TSC2: variants seen among roughly 807,000 people sequenced by gnomAD.
TSC2 encodes tuberin.
TSC2 carries 29 observed loss-of-function variants against 202.2 expected under a neutral mutation model. The observed-to-expected ratio is 0.14, with a 90% CI of 0.11 to 0.20. TSC2 has a LOEUF of 0.20. Among genes scored for constraint, TSC2 ranks in the 10% least tolerant of loss-of-function variants. TSC2 has a pLI of 1.00. For synonymous variants in TSC2, 1,349 were observed against 1,044.0 expected, an observed-to-expected ratio of 1.29 and a Z score of -5.63; for missense variants, 2,429 against 2,420.0, an observed-to-expected ratio of 1.00 and a Z score of -0.08.
chr16:2,051,911 A>G (rs1249949281), intron 3 of TSC2, among the ~76,000 whole-genome samples: 1 of 152,186 alleles, frequency 6.6e-6, no homozygotes, highest in Admixed American at 6.5e-5. Context: ...CTAAAGATAC[A>G]AAAATTAGCT....
chr16:2,059,293 C>T (rs1353180869), intron 10 of TSC2, among the ~76,000 whole-genome samples: 2 of 150,934 alleles, frequency 1.3e-5, no homozygotes, highest in African/African-American at 4.9e-5. Flanking sequence ...GCTAGGATTA[C>T]AGGCGTGAGC....
At chr16:2,061,316 C>T (rs1464872973) in intron 11 of TSC2, 7 of 288,392 alleles carry the variant, frequency 2.4e-5, no homozygotes, top group African/African-American at 1.3e-4. Context: ...GGGTGATGTA[C>T]AGGAGGCCAG....
chr16:2,064,617 T>C (rs2087066312), intron 15 of TSC2, 190 bp downstream of exon 15: 7 of 851,784 alleles, frequency 8.2e-6, no homozygotes, highest in African/African-American at 1.7e-5. Context: ...GTGTCCTGAC[T>C]GAAAGTCCTG....
rs748778477 is a variant in TSC2 at position 2,079,561 on chromosome 16, A to G, written c.3289A>G (p.Ser1097Gly). The G allele has an allele frequency of 6.2e-7, 1 of 1,610,060 alleles. No individual in the cohort carries two copies. Among genetic ancestry groups the G allele is most frequent in the South Asian group, 1.1e-5 (1 of 90,562 alleles). Residue 1097 changes from serine to glycine, a missense_variant, in exon 29 of 42, where the codon AGC becomes GGC. Coordinates refer to ENST00000219476, the MANE Select transcript of TSC2 (RefSeq NM_000548.5). This position sits in a 1 kb window ranked among gnomAD's most constrained non-coding sequence, Gnocchi z 4.6. ...TGCGTGGGATTCTCTTCTCAGCTCC[A>G]GCCCCGGGGTGCATGTGAGACAGAC... ...ELQSGPESSS[S>G]PGVHVRQTKE...
Position 2,088,847 on chromosome 16 carries a change from CT to C in TSC2, c.*238del, listed in dbSNP as rs567025319. 156 of 584,682 alleles carry C rather than the reference CT, an allele frequency of 2.7e-4. 2 individuals are homozygous for C. In the South Asian group the frequency reaches 2.9e-3, roughly 11 times the overall value. 36.2% of individuals were successfully genotyped at this position (584,682 alleles called of 1,614,324 possible). On this transcript the variant is annotated 3_prime_UTR_variant, in exon 42 of 42. Transcript: ENST00000219476. Reference sequence around the variant, plus strand: ...CCAGCTCCGAGGGCCTTGAGGCTGCCTGGGCCATACAGCACACTCGCGCGTG... The same window carrying C: ...CCAGCTCCGAGGGCCTTGAGGCTGCCGGGCCATACAGCACACTCGCGCGTG...
chr16:2,083,869 G>T lies in TSC2; in HGVS notation c.4005+53G>T, dbSNP rs534203991. ...GCTGACCTCGGGGGGCTCCTTAGGG[G>T]AGGCAGGGCTCTGCGTGGGTGTGCC... On this transcript the variant is annotated intron_variant, in intron 33 of 41. Transcript: ENST00000219476. 7 of 1,580,068 alleles carry T rather than the reference G, an allele frequency of 4.4e-6. No homozygotes were observed. In the South Asian group the frequency reaches 6.9e-5, roughly 16 times the overall value.
At chr16:2,071,420 G>C (rs139857848) in intron 17 of TSC2, 90 bp from the exon 18 acceptor site, 1 of 1,354,898 alleles carries the variant, frequency 7.4e-7, no homozygotes, top group African/African-American at 1.4e-5. Context: ...AGTGCCTGTG[G>C]TGCTGGACGT....
intron 6 of TSC2, chr16:2,055,766 C>CTGTAT: frequency 2.1e-6 from 1 of 484,222 alleles, no homozygotes; most frequent in South Asian, 2.0e-5. Context: ...TGGTGGGAGC[C>CTGTAT]TGTAATCCCA....
intron 32 of TSC2, chr16:2,083,084 G>C: frequency 2.2e-6 from 1 of 455,052 alleles, no homozygotes; most frequent in South Asian, 1.6e-5. Context: ...TGGGGTGGCT[G>C]ACTGCGCGTG....
intron 15 of TSC2, chr16:2,064,638 T>G: frequency 1.4e-6 from 1 of 736,976 alleles, no homozygotes; most frequent in Non-Finnish European, 2.2e-6. Flanking sequence ...GACATGGGTG[T>G]CCTGTCACAC....
Position 2,054,653 on chromosome 16 carries a change from C to T in TSC2, c.481+213C>T. The T allele has an allele frequency of 6.0e-6, 4 of 662,686 alleles. No homozygotes were observed. In the Admixed American group the frequency reaches 7.4e-5, roughly 12 times the overall value. 41.1% of individuals were successfully genotyped at this position (662,686 alleles called of 1,614,324 possible). On this transcript the variant is annotated intron_variant, in intron 5 of 41. Coordinates refer to ENST00000219476, the MANE Select transcript of TSC2 (RefSeq NM_000548.5). ...GCAGAGTCCTGGCCTTCACCCCAGACCTGCTGACTGTGAGTCTCTGGGGCT... is the reference window on the plus strand; with the variant it reads ...GCAGAGTCCTGGCCTTCACCCCAGATCTGCTGACTGTGAGTCTCTGGGGCT...
At chr16:2,048,266 T>A in intron 1 of TSC2, 1 of 1,247,630 alleles carries the variant, frequency 8.0e-7, no homozygotes, top group Non-Finnish European at 1.1e-6. Context: ...AGCTCCTGCT[T>A]CACATGGGTA....
In TSC2 at chr16:2,075,851, C is replaced by T. The variant is rs1395372159; in HGVS notation, c.2598C>T (p.Ala866=). 6.2e-7 allele frequency: 1 copy of T among 1,613,010 alleles called. No individual in the cohort carries two copies. Among genetic ancestry groups the T allele is most frequent in the African/African-American group, 1.3e-5 (1 of 74,934 alleles). The change falls in exon 23 of 42, where the codon GCC becomes GCT. Residue 866 remains alanine (A), a synonymous_variant. Transcript: ENST00000219476. ...GGAACTTTGCCGCGGAGCAGTATGC[C>T]AGTGTGTTCGCCATCTCCCTGCCGT... ...LYRNFAAEQY[A]SVFAISLPYT...
chr16:2,075,454 G>T (rs1452724381), intron 22 of TSC2, among the ~76,000 whole-genome samples: 3 of 150,654 alleles, frequency 2.0e-5, no homozygotes, highest in East Asian at 1.9e-4. Flanking sequence ...GTGAACCCAG[G>T]GGGTGGAGCT....
intron 15 of TSC2, 198 bp downstream of exon 15, chr16:2,064,625 C>T: frequency 1.2e-6 from 1 of 812,444 alleles, no homozygotes; most frequent in Non-Finnish European, 1.9e-6. Context: ...ACTGAAAGTC[C>T]TGGACATGGG....
chr16:2,061,426 G>A (rs2086626340), intron 11 of TSC2: 1 of 318,076 alleles, frequency 3.1e-6, no homozygotes, highest in Non-Finnish European at 6.2e-6. Flanking sequence ...ACCGCTGGTG[G>A]CAGTGGCAGA....
At chr16:2,071,669 G>A (rs1347508979) in intron 18 of TSC2, 53 bp downstream of exon 18, 2 of 1,608,404 alleles carry the variant, frequency 1.2e-6, no homozygotes, top group Non-Finnish European at 1.7e-6. Flanking sequence ...AGAGGCGCTG[G>A]GGCTGTGGTG....
At chr16:2,070,909 G>A (rs1208813461) in intron 17 of TSC2, among the ~76,000 whole-genome samples, 2 of 152,222 alleles carry the variant, frequency 1.3e-5, no homozygotes, top group African/African-American at 4.8e-5. Flanking sequence ...AGAGGGCTGG[G>A]CAGGTGGGCG....
At position 2,084,372 on chromosome 16, in the gene TSC2, A is replaced by C; in HGVS notation, c.4150A>C (p.Lys1384Gln). The C allele has an allele frequency of 6.2e-7, 1 of 1,612,558 alleles. No individual in the cohort carries two copies. Among genetic ancestry groups the C allele is most frequent in the Non-Finnish European group, 8.5e-7 (1 of 1,179,940 alleles). ...LSFQPSQPLS[K>Q]SSSSPELQTL... ...CTTCCAGCCCTCGCAGCCCCTGAGC[A>C]AGTCCAGCTCCTCTCCCGAGCTGCA... is the stretch of plus-strand genomic sequence containing the variant. The change falls in exon 34 of 42, where the codon AAG (lysine) becomes CAG (glutamine). Residue 1384 changes from lysine to glutamine, a missense_variant. Lys to Gln is a moderately conservative substitution (Grantham distance 53). Transcript: ENST00000219476.
Sources: allele counts gnomAD v4.1 joint callset (sites outside exome capture counted in the v4.1 genomes callset), GRCh38; gene constraint gnomAD v4.1.1; non-coding constraint Gnocchi (gnomAD v3.1); transcripts MANE v1.5; gene names NCBI Gene and HGNC (gene_info 2026-07-23, HGNC 2026-07-21).